DENND2A: variants seen among roughly 807,000 people sequenced by gnomAD.
The protein encoded by DENND2A is DENN domain-containing protein 2A.
Under a neutral mutation model 105.3 loss-of-function variants are expected in DENND2A, and 53 were observed. That is an observed-to-expected ratio of 0.50 (90% CI 0.40 to 0.63). The LOEUF is 0.63. Among genes scored for constraint, DENND2A ranks in the 30% least tolerant of loss-of-function variants. The pLI, the probability that DENND2A is intolerant of heterozygous loss-of-function variation, is 0.00. For missense variants in DENND2A, 1,138 were observed against 1,279.6 expected, an observed-to-expected ratio of 0.89 and a Z score of 1.69; for synonymous variants, 522 against 508.4, an observed-to-expected ratio of 1.03 and a Z score of -0.36.
intron 5 of DENND2A, among the ~76,000 whole-genome samples, chr7:140,580,306 T>TATGC (rs1554472936): frequency 7.3e-5 from 11 of 151,666 alleles, no homozygotes; most frequent in Admixed American, 2.6e-4. Context: ...TGTATGCATG[T>TATGC]ATGTATGCAT....
chr7:140,524,814 T>G (rs969887920), intron 16 of DENND2A, among the ~76,000 whole-genome samples: 7 of 151,812 alleles, frequency 4.6e-5, no homozygotes, highest in African/African-American at 1.7e-4. Flanking sequence ...ACTCCTGGGC[T>G]CAAGTGATCC....
chr7:140,610,830 C>T (rs1333673479), intron 1 of DENND2A, among the ~76,000 whole-genome samples: 2 of 152,200 alleles, frequency 1.3e-5, no homozygotes, highest in African/African-American at 2.4e-5. Context: ...GAGCGGAGCC[C>T]TCAGGAGGAC....
chr7:140,629,858 CTTTT>C (rs551954045), intron 1 of DENND2A, among the ~76,000 whole-genome samples: 5 of 138,282 alleles, frequency 3.6e-5, no homozygotes, highest in Non-Finnish European at 7.8e-5. Flanking sequence ...CTTTCTCTCT[CTTTT>C]TTTTTTTTTT....
intron 3 of DENND2A, among the ~76,000 whole-genome samples, chr7:140,595,195 CAG>C (rs1799233954): frequency 6.6e-6 from 1 of 151,636 alleles, no homozygotes; most frequent in Admixed American, 6.6e-5. Context: ...TTAGTAGAGA[CAG>C]AGTTTCCCCA....
At position 140,542,713 on chromosome 7, in the gene DENND2A, C is replaced by T. The variant is rs186880171; in HGVS notation, c.2327+1905G>A. 7.2e-5 allele frequency among the ~76,000 whole-genome samples: 11 copies of T among 152,138 alleles called. No individual in the cohort carries two copies. The East Asian group carries it at 1.4e-3, about 19-fold the overall frequency. ...AGGTAGCTGGGATTACAGGCGTGGA[C>T]CACCACGCCCAACTAAATTCTTTTG... is the stretch of plus-strand genomic sequence containing the variant. On this transcript the variant is annotated intron_variant, in intron 14 of 19. Coordinates refer to ENST00000496613, the MANE Select transcript of DENND2A (RefSeq NM_015689.5).
At position 140,546,836 on chromosome 7, in the gene DENND2A, A is replaced by T; in HGVS notation, c.2141T>A (p.Ile714Asn). The change falls in exon 13 of 20, where the codon ATC becomes AAC. Residue 714 changes from isoleucine to asparagine, a missense_variant. Ile to Asn is a moderately radical substitution (Grantham distance 149). Around this residue, in one of 2 missense-constraint regions of DENND2A, gnomAD observed 627 missense variants for 779.8 expected, o/e 0.80. Transcript: ENST00000496613. ...ACCTGGCAGGAAGTTCTTGACAAGGATGGTTTTGCCCAGGGCTGGGAAAGG... is the reference window on the plus strand; with the variant it reads ...ACCTGGCAGGAAGTTCTTGACAAGGTTGGTTTTGCCCAGGGCTGGGAAAGG... ...EAPFPALGKT[I>N]LVKNFLPGSG... The T allele has an allele frequency of 6.2e-7, 1 of 1,614,148 alleles. No homozygotes were observed. Among genetic ancestry groups the T allele is most frequent in the Non-Finnish European group, 8.5e-7 (1 of 1,180,014 alleles).
At chr7:140,586,432 G>A (rs1217781977) in intron 4 of DENND2A, among the ~76,000 whole-genome samples, 2 of 151,426 alleles carry the variant, frequency 1.3e-5, no homozygotes, top group Non-Finnish European at 2.9e-5. Context: ...GGTGGTGGGC[G>A]CCTATAATCC....
chr7:140,526,790 C>T (rs1433433505), intron 15 of DENND2A, among the ~76,000 whole-genome samples: 10 of 152,160 alleles, frequency 6.6e-5, no homozygotes, highest in Non-Finnish European at 1.3e-4. Context: ...ATTATTTAAG[C>T]TTCCTTCTCT....
intron 1 of DENND2A, among the ~76,000 whole-genome samples, chr7:140,608,460 T>C (rs1177058351): frequency 2.0e-5 from 3 of 152,260 alleles, no homozygotes; most frequent in East Asian, 3.9e-4. Context: ...GCTGATCACT[T>C]GAGCTCAGGG....
intron 14 of DENND2A, among the ~76,000 whole-genome samples, chr7:140,538,375 G>A (rs1250069073): frequency 6.6e-6 from 1 of 152,166 alleles, no homozygotes; most frequent in African/African-American, 2.4e-5. Flanking sequence ...GCTACAGCTG[G>A]AAATCAGGAG....
At chr7:140,612,564 C>A (rs373793416) in intron 1 of DENND2A, among the ~76,000 whole-genome samples, 29 of 151,300 alleles carry the variant, frequency 1.9e-4, no homozygotes, top group East Asian at 1.8e-3. Context: ...TGCAATGGTG[C>A]AATCTCAGCT....
chr7:140,581,364 G>A (rs186320351), intron 5 of DENND2A, among the ~76,000 whole-genome samples: 4 of 152,322 alleles, frequency 2.6e-5, no homozygotes, highest in African/African-American at 4.8e-5. Context: ...GCATCTGCCC[G>A]CAGCTACACA....
chr7:140,527,142 G>T lies in DENND2A; in HGVS notation c.2505+176C>A, dbSNP rs1796084978. On this transcript the variant is annotated intron_variant, in intron 15 of 19. Coordinates refer to ENST00000496613, the MANE Select transcript of DENND2A (RefSeq NM_015689.5). This position sits in a 1 kb window ranked among gnomAD's most constrained non-coding sequence, Gnocchi z 4.9. ...AAAACAGTGTTTGCAGTCACTGAGG[G>T]TCTGACTGAGTCAGCCTCTGGGCAG... 6.6e-6 allele frequency among the ~76,000 whole-genome samples: 1 copy of T among 152,180 alleles called. No homozygotes were observed. The highest frequency in any genetic ancestry group is 2.4e-5 in the African/African-American group (1 of 41,432).
chr7:140,581,074 C>T (rs1798521749), intron 5 of DENND2A, among the ~76,000 whole-genome samples: 2 of 151,924 alleles, frequency 1.3e-5, no homozygotes, highest in African/African-American at 4.8e-5. Context: ...ACCAGCCTGG[C>T]CAACATGGTG....
Position 140,523,853 on chromosome 7 carries a change from G to A in DENND2A, c.2548-429C>T, listed in dbSNP as rs559583645. ...CTCCCAAAGTGCTGGGATTACAGGC[G>A]TGAGCCACTGCACCTGGCCGAGCCT... On this transcript the variant is annotated intron_variant, in intron 16 of 19. Transcript: ENST00000496613. The surrounding 1 kb of genome is among the most constrained non-coding windows in gnomAD (Gnocchi z 4.5). 1.3e-5 allele frequency among the ~76,000 whole-genome samples: 2 copies of A among 152,290 alleles called. No individual in the cohort carries two copies. The highest frequency in any genetic ancestry group is 2.1e-4 in the South Asian group (1 of 4,824).
At chr7:140,568,851 A>T (rs915940858) in intron 7 of DENND2A, 38 bp from the exon 8 acceptor site, 2 of 1,599,644 alleles carry the variant, frequency 1.3e-6, no homozygotes, top group Admixed American at 3.3e-5. Flanking sequence ...TGCAAATGTG[A>T]GTTCTTCTCA....
In DENND2A at chr7:140,602,166, A is replaced by C. The variant is rs765641607; in HGVS notation, c.232T>G (p.Ser78Ala). Residue 78 changes from serine to alanine, a missense_variant, in exon 3 of 20, where the codon TCT (serine) becomes GCT (alanine). Physicochemically the swap from Ser to Ala is moderately conservative, Grantham distance 99. Around this residue, in one of 2 missense-constraint regions of DENND2A, gnomAD observed 511 missense variants for 499.9 expected, o/e 1.02. Transcript: ENST00000496613. ...TCACTACTCCTCCTCTCCACCGTAG[A>C]GGACGGCAGATAATCCTCCTGTCCG... ...ADGQEDYLPS[S>A]TVERRSSDGV... 1.2e-6 allele frequency: 2 copies of C among 1,614,054 alleles called. No individual in the cohort carries two copies. Among genetic ancestry groups the C allele is most frequent in the East Asian group, 4.5e-5 (2 of 44,868 alleles).
chr7:140,601,762 T>A lies in DENND2A; in HGVS notation c.636A>T (p.Glu212Asp). ...CCGAGGGGTGGACCCTCTGGCTGAC[T>A]TCTGAGCCACTCCCGCCTCCCAGGT... ...PENLGGGSGS[E>D]VSQRVHPSDL... Residue 212 changes from glutamate to aspartate, a missense_variant, in exon 3 of 20, where the codon GAA (glutamate) becomes GAT (aspartate). Coordinates refer to ENST00000496613, the MANE Select transcript of DENND2A (RefSeq NM_015689.5). 6.2e-7 allele frequency: 1 copy of A among 1,614,012 alleles called. No homozygotes were observed. The highest frequency in any genetic ancestry group is 8.5e-7 in the Non-Finnish European group (1 of 1,179,972).
Position 140,559,926 on chromosome 7 carries a change from G to A in DENND2A, c.1780-109C>T, listed in dbSNP as rs1408171421. 2.2e-5 allele frequency: 18 copies of A among 810,414 alleles called. No individual in the cohort carries two copies. Among genetic ancestry groups the A allele is most frequent in the Non-Finnish European group, 2.9e-5 (14 of 477,378 alleles). 50.2% of individuals were successfully genotyped at this position (810,414 alleles called of 1,614,324 possible). ...CCACCTTTCCACATTTGTGACTGCC[G>A]CCTTAGCCTCTTCCCTTGGGAAGAG... On this transcript the variant is annotated intron_variant, in intron 9 of 19. Coordinates refer to ENST00000496613, the MANE Select transcript of DENND2A (RefSeq NM_015689.5). This position sits in a 1 kb window ranked among gnomAD's most constrained non-coding sequence, Gnocchi z 4.1.
Sources: gnomAD v4.1 joint callset for allele counts (sites outside exome capture counted in the v4.1 genomes callset) on GRCh38, gnomAD v4.1.1 for gene constraint, gnomAD v4.1.1 regional missense constraint, Gnocchi (gnomAD v3.1) non-coding constraint, MANE v1.5 for transcripts, NCBI Gene and HGNC (gene_info 2026-07-23, HGNC 2026-07-21) for gene names.